Variants in TSBP1 observed in about 807,000 individuals in gnomAD.
TSBP1 encodes the protein testis-expressed basic protein 1.
Under a neutral mutation model 68.8 loss-of-function variants are expected in TSBP1, and 56 were observed. The ratio of observed to expected loss-of-function variants is 0.81; its 90% CI spans 0.66 to 1.02. TSBP1 has a LOEUF of 1.02. Among genes scored for constraint, TSBP1 ranks in the 50% least tolerant of loss-of-function variants. TSBP1 has a pLI of 0.00. For missense variants in TSBP1, 502 were observed against 641.2 expected (o/e 0.78, Z 2.34); for synonymous variants, 171 against 208.7 (o/e 0.82, Z 1.56).
intron 10 of TSBP1, 129 bp from the exon 12 acceptor site, chr6:32,339,128 C>T: frequency 1.3e-6 from 1 of 784,850 alleles, no homozygotes; most frequent in Admixed American, 2.0e-5. Context: ...GGTAAGTAGG[C>T]ATTTTCCTTT....
chr6:32,314,051 C>A lies in TSBP1; in HGVS notation c.580+1721G>T, dbSNP rs1766696978. Reference sequence around the variant, plus strand: ...TGAGGCAAAGCTGCTACCTCTGTTTCCTCATCCCCTCACCATTCCTCCCAA... The same window carrying A: ...TGAGGCAAAGCTGCTACCTCTGTTTACTCATCCCCTCACCATTCCTCCCAA... On this transcript the variant is annotated intron_variant, in intron 19 of 22. Transcript: ENST00000612031. This position sits in a 1 kb window ranked among gnomAD's most constrained non-coding sequence, Gnocchi z 4.2. 6.6e-6 allele frequency among the ~76,000 whole-genome samples: 1 copy of A among 152,124 alleles called. No homozygotes were observed. The highest frequency in any genetic ancestry group is 1.5e-5 in the Non-Finnish European group (1 of 68,022).
At chr6:32,354,603 A>G (rs1004069983) in intron 8 of TSBP1, among the ~76,000 whole-genome samples, 10 of 152,172 alleles carry the variant, frequency 6.6e-5, no homozygotes, top group African/African-American at 2.4e-4. Context: ...ACTCTTTTCC[A>G]TCTACTTAAG....
intron 1 of TSBP1, 122 bp downstream of exon 1, chr6:32,371,572 T>C (rs1299327182): frequency 7.6e-6 from 6 of 790,242 alleles, no homozygotes; most frequent in Non-Finnish European, 1.1e-5. Context: ...GAAAAAATAC[T>C]GAATTTGAAA....
intron 8 of TSBP1, among the ~76,000 whole-genome samples, chr6:32,352,213 G>A (rs1771793244): frequency 1.3e-5 from 2 of 151,936 alleles, no homozygotes; most frequent in Non-Finnish European, 2.9e-5. Context: ...GTAAGTCTAA[G>A]TAATAATTAA....
At chr6:32,317,133 C>G (rs9268221) in intron 18 of TSBP1, among the ~76,000 whole-genome samples, 37,968 of 151,880 alleles carry the variant, frequency 0.25, 5,112 homozygotes, top group African/African-American at 0.33. Flanking sequence ...CAACAGAATA[C>G]AGAGCCCAGA....
In TSBP1 at chr6:32,323,633, T is replaced by C; in HGVS notation, c.515-19A>G. On this transcript the variant is annotated intron_variant, in intron 16 of 22. Transcript: ENST00000612031. ...GGACCAGCTGAAAAACAGAGAGGTA[T>C]CTTAGCAACTGTTTTTTCTCCCATG... is the stretch of plus-strand genomic sequence containing the variant. 6.2e-7 allele frequency: 1 copy of C among 1,611,268 alleles called. No individual in the cohort carries two copies. The highest frequency in any genetic ancestry group is 8.5e-7 in the Non-Finnish European group (1 of 1,178,604).
At chr6:32,310,048 AT>A (rs1766228353) in intron 19 of TSBP1, among the ~76,000 whole-genome samples, 1 of 152,116 alleles carries the variant, frequency 6.6e-6, no homozygotes, top group African/African-American at 2.4e-5. Flanking sequence ...AATGACCTTC[AT>A]TTCCATCCAG....
rs1768171075 is a variant in TSBP1 at position 32,325,941 on chromosome 6, T to C, written c.515-2327A>G. 11 of 1,561,820 alleles carry C rather than the reference T, an allele frequency of 7.0e-6. No individual in the cohort carries two copies. Among genetic ancestry groups the C allele is most frequent in the Non-Finnish European group, 8.7e-6 (10 of 1,147,320 alleles). On this transcript the variant is annotated intron_variant, in intron 16 of 22. Coordinates refer to ENST00000612031, the Ensembl canonical transcript of TSBP1. The surrounding 1 kb of genome is among the most constrained non-coding windows in gnomAD (Gnocchi z 4.4). ...GTGGTGGATATGGTGGCAGTGAGGATGGCTATAATGGATTTGGTAATGATG... is the reference window on the plus strand; with the variant it reads ...GTGGTGGATATGGTGGCAGTGAGGACGGCTATAATGGATTTGGTAATGATG...
intron 6 of TSBP1, among the ~76,000 whole-genome samples, chr6:32,359,316 T>G (rs1397283007): frequency 6.6e-6 from 1 of 152,140 alleles, no homozygotes; most frequent in Non-Finnish European, 1.5e-5. Context: ...TGTTGTTTCC[T>G]GACTTTTTAA....
Position 32,313,810 on chromosome 6 carries a change from C to A in TSBP1, c.580+1962G>T, listed in dbSNP as rs560952483. Among the ~76,000 whole-genome samples, 5 of 152,324 alleles carry A rather than the reference C, an allele frequency of 3.3e-5. No individual in the cohort carries two copies. The East Asian group carries it at 9.6e-4, about 29-fold the overall frequency. On this transcript the variant is annotated intron_variant, in intron 19 of 22. Transcript: ENST00000612031. Reference sequence around the variant, plus strand: ...GTAGCACACCTCCAGCAGGGCTCTGCACCCTGGACAGATCTAACTCTGGAC... The same window carrying A: ...GTAGCACACCTCCAGCAGGGCTCTGAACCCTGGACAGATCTAACTCTGGAC...
At chr6:32,299,153 A>G (rs114069575) in intron 22 of TSBP1, among the ~76,000 whole-genome samples, 7,012 of 152,276 alleles carry the variant, frequency 0.046, 365 homozygotes, top group African/African-American at 0.13. Context: ...CTGGGTTTAA[A>G]TCCTGACACC....
intron 14 of TSBP1, among the ~76,000 whole-genome samples, chr6:32,334,780 TCC>T (rs1769451414): frequency 6.6e-6 from 1 of 152,128 alleles, no homozygotes; most frequent in Non-Finnish European, 1.5e-5. Context: ...ACGCCTGTAA[TCC>T]CAACACTTTG....
chr6:32,309,364 T>C (rs1276633201), intron 19 of TSBP1, among the ~76,000 whole-genome samples: 1 of 152,192 alleles, frequency 6.6e-6, no homozygotes, highest in African/African-American at 2.4e-5. Context: ...TGTTTCTTGG[T>C]TCTAACTTCT....
At chr6:32,294,399 T>C (rs1012543553) in intron 22 of TSBP1, among the ~76,000 whole-genome samples, 2 of 152,204 alleles carry the variant, frequency 1.3e-5, no homozygotes, top group African/African-American at 2.4e-5. Context: ...GCAATAATTA[T>C]ATTTCTCAAG....
rs147771965 is a variant in TSBP1, at chr6:32,302,121, G to A, written c.601+488C>T. 3.3e-5 allele frequency among the ~76,000 whole-genome samples: 5 copies of A among 152,026 alleles called. No individual in the cohort carries two copies. The highest frequency in any genetic ancestry group is 6.6e-5 in the Admixed American group (1 of 15,258). On this transcript the variant is annotated intron_variant, in intron 20 of 22. Transcript: ENST00000612031. This position sits in a 1 kb window ranked among gnomAD's most constrained non-coding sequence, Gnocchi z 5.1. Reference sequence around the variant, plus strand: ...ACTGTTTTTGTGCTACAACAGCAGGGTTGAGTAGTTGTGACAGAGACTTTA... The same window carrying A: ...ACTGTTTTTGTGCTACAACAGCAGGATTGAGTAGTTGTGACAGAGACTTTA...
chr6:32,349,871 TCACA>T, intron 8 of TSBP1, 111 bp from the exon 9 acceptor site: 10 of 1,146,136 alleles, frequency 8.7e-6, no homozygotes, highest in Non-Finnish European at 1.3e-5. Context: ...TAGAAATGAG[TCACA>T]ACTTATTTCC....
intron 3 of TSBP1, among the ~76,000 whole-genome samples, chr6:32,368,576 A>G (rs1049080695): frequency 6.6e-6 from 1 of 152,134 alleles, no homozygotes; most frequent in Non-Finnish European, 1.5e-5. Context: ...GTATTAATTA[A>G]TTCTCCCCAA....
rs1251367951 is a variant in TSBP1, at chr6:32,343,998, GC to G, written c.350-4361del. 6.6e-6 allele frequency among the ~76,000 whole-genome samples: 1 copy of G among 150,604 alleles called. No individual in the cohort carries two copies. The highest frequency in any genetic ancestry group is 1.5e-5 in the Non-Finnish European group (1 of 68,006). On this transcript the variant is annotated intron_variant, in intron 9 of 22. Transcript: ENST00000612031. This position sits in a 1 kb window ranked among gnomAD's most constrained non-coding sequence, Gnocchi z 4.3. ...ACTATATTCAGTGGAGAAAGTCTGG[GC>G]ATTAGTCTTATTTGTCTTACATTGA... is the stretch of plus-strand genomic sequence containing the variant.
At chr6:32,318,497 C>T (rs1197718776) in intron 18 of TSBP1, among the ~76,000 whole-genome samples, 1 of 152,046 alleles carries the variant, frequency 6.6e-6, no homozygotes, top group Non-Finnish European at 1.5e-5. Flanking sequence ...CATAATATTT[C>T]CTTACAAGTA....
Sources: allele counts gnomAD v4.1 joint callset (sites outside exome capture counted in the v4.1 genomes callset), GRCh38; gene constraint gnomAD v4.1.1; non-coding constraint Gnocchi (gnomAD v3.1); transcripts MANE v1.5; gene names NCBI Gene and HGNC (gene_info 2026-07-23, HGNC 2026-07-21).